Variants in RIN2 observed in about 807,000 individuals in gnomAD.
RIN2 encodes the protein Ras and Rab interactor 2.
A neutral mutation model predicts 78.0 loss-of-function variants in RIN2; 36 were observed. The ratio of observed to expected loss-of-function variants is 0.46; its 90% CI spans 0.35 to 0.61. The LOEUF (loss-of-function observed/expected upper bound fraction) is 0.61, where lower values mean the gene tolerates loss of function less well. Ranked by LOEUF, RIN2 falls within the 20% of genes least tolerant of loss-of-function variation. The pLI, the probability that RIN2 is intolerant of heterozygous loss-of-function variation, is 0.00. For missense variants in RIN2, 1,087 were observed against 1,159.7 expected, an observed-to-expected ratio of 0.94 and a Z score of 0.91; for synonymous variants, 466 against 466.8, an observed-to-expected ratio of 1.00 and a Z score of 0.02.
intron 2 of RIN2, among the ~76,000 whole-genome samples, chr20:19,876,265 C>T (rs1421454075): frequency 6.6e-6 from 1 of 152,176 alleles, no homozygotes; most frequent in Non-Finnish European, 1.5e-5. Context: ...ACAGCTCTGC[C>T]AACTGAAAGA....
chr20:19,828,476 A>G (rs987327930), intron 2 of RIN2, among the ~76,000 whole-genome samples: 1 of 152,144 alleles, frequency 6.6e-6, no homozygotes, highest in African/African-American at 2.4e-5. Flanking sequence ...TGAGTCTGCC[A>G]CCTGTCTTTC....
chr20:19,919,763 GC>G (rs1159910305), intron 3 of RIN2, among the ~76,000 whole-genome samples: 1 of 152,084 alleles, frequency 6.6e-6, no homozygotes, highest in African/African-American at 2.4e-5. Flanking sequence ...CCGAGATCAT[GC>G]CACTGCACTC....
chr20:19,778,734 T>C (rs1332599902), intron 1 of RIN2, among the ~76,000 whole-genome samples: 4 of 152,014 alleles, frequency 2.6e-5, no homozygotes, highest in Non-Finnish European at 4.4e-5. Context: ...GCTGGGGACA[T>C]TTGGAGGAAG....
intron 1 of RIN2, among the ~76,000 whole-genome samples, chr20:19,799,366 T>C (rs910567566): frequency 6.6e-6 from 1 of 152,194 alleles, no homozygotes; most frequent in Non-Finnish European, 1.5e-5. Flanking sequence ...GTTCCATTCA[T>C]GAAAGACCAT....
At chr20:19,889,145 C>A (rs1468512784) in intron 2 of RIN2, 1 of 985,356 alleles carries the variant, frequency 1.0e-6, no homozygotes, top group Non-Finnish European at 1.2e-6. Flanking sequence ...ACCTCACCCC[C>A]TTCCAGCAGG....
At chr20:19,997,180 C>A (rs1221553381) in intron 12 of RIN2, among the ~76,000 whole-genome samples, 1 of 152,166 alleles carries the variant, frequency 6.6e-6, no homozygotes, top group Non-Finnish European at 1.5e-5. Flanking sequence ...CTGTGTTACG[C>A]GATGCAATTG....
chr20:19,978,112 C>T (rs1434725492), intron 9 of RIN2, among the ~76,000 whole-genome samples: 1 of 152,058 alleles, frequency 6.6e-6, no homozygotes, highest in African/African-American at 2.4e-5. Context: ...ATGGACTTAG[C>T]CAGCCCACTT....
At chr20:19,869,475 G>A (rs2037615173) in intron 2 of RIN2, among the ~76,000 whole-genome samples, 1 of 152,216 alleles carries the variant, frequency 6.6e-6, no homozygotes, top group Admixed American at 6.5e-5. Context: ...CCAAGAGATA[G>A]AAAAAGCTGG....
At chr20:19,838,687 A>G (rs1047037549) in intron 2 of RIN2, among the ~76,000 whole-genome samples, 2 of 152,166 alleles carry the variant, frequency 1.3e-5, no homozygotes, top group Admixed American at 1.3e-4. Context: ...TCATACTCCC[A>G]ACTGTGGTGA....
intron 2 of RIN2, among the ~76,000 whole-genome samples, chr20:19,835,093 GAA>G (rs1315990538): frequency 3.6e-5 from 4 of 110,868 alleles, no homozygotes; most frequent in African/African-American, 5.9e-5. Flanking sequence ...AAGAGAAAAA[GAA>G]AGAAGAAAGA....
At chr20:19,864,213 C>T (rs910466872) in intron 2 of RIN2, among the ~76,000 whole-genome samples, 4 of 152,050 alleles carry the variant, frequency 2.6e-5, no homozygotes, top group African/African-American at 9.7e-5. Context: ...TTTTGACCAT[C>T]CTGGGTGGCA....
Position 19,975,062 on chromosome 20 carries a change from T to C in RIN2, c.1037T>C (p.Val346Ala), listed in dbSNP as rs1436739450. The C allele has an allele frequency of 1.9e-6, 3 of 1,613,296 alleles. No homozygotes were observed. Among genetic ancestry groups the C allele is most frequent in the Non-Finnish European group, 2.5e-6 (3 of 1,179,856 alleles). The change falls in exon 9 of 13, where the codon GTA (valine) becomes GCA (alanine). Residue 346 changes from valine (V) to alanine (A), a missense_variant. Physicochemically the swap from Val to Ala is moderately conservative, Grantham distance 64 (BLOSUM62 0). Coordinates refer to ENST00000255006, the MANE Select transcript of RIN2 (RefSeq NM_018993.4). This position sits in a 1 kb window ranked among gnomAD's most constrained non-coding sequence, Gnocchi z 4.9. ...GTCAACCATAACAAACATGGGAACG[T>C]AGCTCTGCCTGGAACGAAACCAACT... ...ETVNHNKHGNVALPGTKPTPI... is the reference protein window; with the variant it reads ...ETVNHNKHGNAALPGTKPTPI...
chr20:19,908,423 G>C (rs984708637), intron 3 of RIN2, among the ~76,000 whole-genome samples: 1 of 151,368 alleles, frequency 6.6e-6, no homozygotes, highest in African/African-American at 2.4e-5. Context: ...CCCGGGAGGC[G>C]GAGCGTGCAT....
intron 1 of RIN2, among the ~76,000 whole-genome samples, chr20:19,793,703 T>G (rs1283092579): frequency 6.6e-6 from 1 of 152,234 alleles, no homozygotes; most frequent in African/African-American, 2.4e-5. Flanking sequence ...TATTTTACTT[T>G]GAGTAACTCC....
chr20:19,757,937 A>C (rs708993), upstream of RIN2: 137,859 of 152,452 alleles, frequency 0.9, 62,384 homozygotes, highest in African/African-American at 0.92. Context: ...TCCTTGTAAC[A>C]GGGTAAGCGT....
intron 3 of RIN2, among the ~76,000 whole-genome samples, chr20:19,914,064 G>A (rs917396786): frequency 6.6e-6 from 1 of 152,232 alleles, no homozygotes; most frequent in Non-Finnish European, 1.5e-5. Context: ...ACCAGAGTTT[G>A]CGGTCTAGGA....
intron 1 of RIN2, among the ~76,000 whole-genome samples, chr20:19,764,562 C>T (rs2033786088): frequency 6.6e-6 from 1 of 152,196 alleles, no homozygotes; most frequent in South Asian, 2.1e-4. Flanking sequence ...ATCGCTTCAG[C>T]GATACACATT....
rs1319275722 is a variant in RIN2, at chr20:19,956,821, C to A, written c.351+14C>A. The A allele has an allele frequency of 1.3e-6, 2 of 1,536,740 alleles. No individual in the cohort carries two copies. ...CAGCCTCCGGGGGTAAGACTCAGAA[C>A]CTCGGGAAGCAGGTTGAAGCAGGCA... is the stretch of plus-strand genomic sequence containing the variant. On this transcript the variant is annotated intron_variant, in intron 5 of 12. Coordinates refer to ENST00000255006, the MANE Select transcript of RIN2 (RefSeq NM_018993.4).
chr20:19,802,216 C>G (rs62203172), intron 2 of RIN2, among the ~76,000 whole-genome samples: 10 of 152,102 alleles, frequency 6.6e-5, no homozygotes, highest in Non-Finnish European at 1.2e-4. Flanking sequence ...GTCACTTGCC[C>G]TACATCACCC....
Sources: gnomAD v4.1 joint callset for allele counts (sites outside exome capture counted in the v4.1 genomes callset) on GRCh38, gnomAD v4.1.1 for gene constraint, Gnocchi (gnomAD v3.1) non-coding constraint, MANE v1.5 for transcripts, NCBI Gene and HGNC (gene_info 2026-07-23, HGNC 2026-07-21) for gene names.